The following HLTF variants were observed in gnomAD, a reference collection of about 807,000 sequenced individuals.
The protein encoded by HLTF is helicase like transcription factor, also known as DNA-dependent ATPase/E3 ubiquitin-protein ligase HLTF.
Under a neutral mutation model 129.4 loss-of-function variants are expected in HLTF, and 127 were observed. The observed-to-expected ratio is 0.98, with a 90% confidence interval of 0.85 to 1.14. The LOEUF is 1.14. Ranked by LOEUF, HLTF falls within the 50% of genes most tolerant of loss-of-function variation. The pLI is 0.00. For synonymous variants in HLTF, 332 were observed against 388.8 expected, an observed-to-expected ratio of 0.85 and a Z score of 1.72; for missense variants, 1,139 against 1,187.1, an observed-to-expected ratio of 0.96 and a Z score of 0.60.
intron 6 of HLTF, 61 bp downstream of exon 6, chr3:149,071,522 T>A: frequency 6.8e-7 from 1 of 1,476,050 alleles, no homozygotes; most frequent in East Asian, 2.3e-5. Flanking sequence ...AAACAAAAAG[T>A]AGATTCTAAG....
Position 149,046,180 on chromosome 3 carries a change from A to G in HLTF, c.1972T>C (p.Leu658=), listed in dbSNP as rs757214237. The change falls in exon 18 of 25, where the codon TTA becomes CTA. Residue 658 remains leucine (L), a synonymous_variant. Transcript: ENST00000310053. ...TGAATAAATACTTTACGTTCTGGTA[A>G]CTCCAAAACAGGTTTTCCTTTAATT... The part of the protein sequence containing the change: ...SKIKGKPVLE[L]PERKVFIQHI... The G allele has an allele frequency of 3.7e-6, 6 of 1,606,392 alleles. No homozygotes were observed. The highest frequency in any genetic ancestry group is 1.7e-5 in the Admixed American group (1 of 59,530).
chr3:149,034,437 G>A (rs937099479), intron 24 of HLTF, among the ~76,000 whole-genome samples: 53 of 152,110 alleles, frequency 3.5e-4, no homozygotes, highest in African/African-American at 1.2e-3. Flanking sequence ...GAGAGGAATG[G>A]GAAGTTATTA....
chr3:149,057,490 G>A (rs1253269762), intron 13 of HLTF, among the ~76,000 whole-genome samples: 2 of 152,188 alleles, frequency 1.3e-5, no homozygotes, highest in African/African-American at 4.8e-5. Context: ...GTATATGGAA[G>A]GCCAACTTTT....
intron 23 of HLTF, among the ~76,000 whole-genome samples, chr3:149,036,189 G>T (rs988830429): frequency 6.6e-6 from 1 of 151,492 alleles, no homozygotes; most frequent in African/African-American, 2.4e-5. Context: ...GTGCAACAAT[G>T]AAAAGGGAAG....
At chr3:149,063,576 C>T (rs1440932415) in intron 9 of HLTF, 52 bp from the exon 10 acceptor site, 1 of 1,057,326 alleles carries the variant, frequency 9.5e-7, no homozygotes. Flanking sequence ...GTCTTAGAAA[C>T]TAGTATTATC....
Position 149,066,128 on chromosome 3 carries a change from C to T in HLTF, c.991-1262G>A, listed in dbSNP as rs1228578964. Among the ~76,000 whole-genome samples the T allele has an allele frequency of 2.6e-5, 4 of 151,892 alleles. No homozygotes were observed. In the East Asian group the frequency reaches 7.7e-4, roughly 29 times the overall value. ...ACGGCACAATCTCGGCTCATTGAAA[C>T]CTCTACCTCCTGAGTTCAAGTGATT... On this transcript the variant is annotated intron_variant, in intron 8 of 24. Transcript: ENST00000310053.
rs931215886 is a variant in HLTF at position 149,068,395 on chromosome 3, C to T, written c.895-60G>A. 6.8e-6 allele frequency: 5 copies of T among 739,504 alleles called. No individual in the cohort carries two copies. The East Asian group carries it at 1.0e-4, about 15-fold the overall frequency. The allele number at this position is 739,504 out of a possible 1,614,324, so 45.8% of individuals were successfully genotyped here. A position where few individuals can be genotyped will look rare whatever the true frequency, so the allele number is the denominator to read the frequency against. On this transcript the variant is annotated intron_variant, in intron 7 of 24. Transcript: ENST00000310053. The stretch of plus-strand genomic sequence containing the variant: ...TGTGAAACCCAGTTCACCAGAAAAA[C>T]GTTCCCATTTTAAAATCAAGTAATC...
rs75130084 is a variant in HLTF at position 149,077,738 on chromosome 3, C to A, written c.229-1691G>T. Reference sequence around the variant, plus strand: ...GACCTGAGAAGGCCCTAAACGCTCACCTTTGCCTGAACTTGAGCATTTAAA... The same window carrying A: ...GACCTGAGAAGGCCCTAAACGCTCAACTTTGCCTGAACTTGAGCATTTAAA... On this transcript the variant is annotated intron_variant, in intron 2 of 24. Transcript: ENST00000310053. Among the ~76,000 whole-genome samples the A allele has an allele frequency of 8.5e-3, 1,295 of 151,838 alleles. 19 individuals carry two copies. Among genetic ancestry groups the A allele is most frequent in the African/African-American group, 0.03 (1,225 of 41,388 alleles).
intron 13 of HLTF, 21 bp from the exon 14 acceptor site, chr3:149,055,421 T>G (rs574484682): frequency 6.6e-7 from 1 of 1,511,292 alleles, no homozygotes; most frequent in Admixed American, 1.7e-5. Flanking sequence ...GAACCACTGA[T>G]AGAACCTTTA....
chr3:149,079,522 A>C lies in HLTF; in HGVS notation c.229-3475T>G, dbSNP rs368708723. On this transcript the variant is annotated intron_variant, in intron 2 of 24. Coordinates refer to ENST00000310053, the MANE Select transcript of HLTF (RefSeq NM_003071.4). ...TGTTGATAGGTATACTACATATATA[A>C]AGATATAACTTGGATAACAGCACAA... Among the ~76,000 whole-genome samples the C allele has an allele frequency of 6.4e-4, 97 of 151,370 alleles. 1 individual carries two copies. The South Asian group carries it at 0.02, about 31-fold the overall frequency.
intron 14 of HLTF, among the ~76,000 whole-genome samples, chr3:149,050,656 T>C (rs1416602104): frequency 1.3e-5 from 2 of 152,200 alleles, no homozygotes; most frequent in East Asian, 1.9e-4. Flanking sequence ...ATGAGTTTTA[T>C]AAAAATATTT....
chr3:149,061,303 C>T (rs1199435652), intron 10 of HLTF, among the ~76,000 whole-genome samples: 1 of 151,836 alleles, frequency 6.6e-6, no homozygotes, highest in African/African-American at 2.4e-5. Flanking sequence ...CCCAGCTACT[C>T]GGGAGGCTGA....
chr3:149,037,467 C>CAAAAAAA (rs71135657), intron 23 of HLTF, among the ~76,000 whole-genome samples: 3 of 99,592 alleles, frequency 3.0e-5, no homozygotes, highest in East Asian at 3.0e-4. Flanking sequence ...GACTCTGTCT[C>CAAAAAAA]AAAAAAAAAA....
At chr3:149,058,482 T>C (rs1306643275) in intron 13 of HLTF, among the ~76,000 whole-genome samples, 1 of 152,234 alleles carries the variant, frequency 6.6e-6, no homozygotes, top group Admixed American at 6.5e-5. Flanking sequence ...TATTCTCCTA[T>C]TGGGTGGTCT....
rs1296637260 is a variant in HLTF at position 149,038,984 on chromosome 3, A to G, written c.2796+65T>C. ...ATAACTATGAAGGTATTTACCAAAT[A>G]GTTTTTTGTCTTATTTTTTTGAAAG... On this transcript the variant is annotated intron_variant, in intron 23 of 24. Coordinates refer to ENST00000310053, the MANE Select transcript of HLTF (RefSeq NM_003071.4). 4 of 923,154 alleles carry G rather than the reference A, an allele frequency of 4.3e-6. No homozygotes were observed. The East Asian group carries it at 1.1e-4, about 25-fold the overall frequency. The allele number at this position is 923,154 out of a possible 1,614,324, so 57.2% of individuals were successfully genotyped here. A position where few individuals can be genotyped will look rare whatever the true frequency, so the allele number is the denominator to read the frequency against.
chr3:149,040,213 T>C, intron 20 of HLTF, 57 bp from the exon 21 acceptor site: 1 of 1,500,988 alleles, frequency 6.7e-7, no homozygotes, highest in Middle Eastern at 2.2e-4. Flanking sequence ...AATATAAATA[T>C]GCCTAAAAAT....
At chr3:149,035,253 T>C (rs541431675) in intron 23 of HLTF, among the ~76,000 whole-genome samples, 4 of 151,966 alleles carry the variant, frequency 2.6e-5, no homozygotes, top group South Asian at 2.1e-4. Context: ...CCAAAATAAG[T>C]ATTTGTTGAT....
Position 149,039,697 on chromosome 3 carries a change from C to T in HLTF, c.2503-4G>A. ...ATGCGTGCATTAGCGCATTAATCTG[C>T]AAAAAATATTAAGATGTCCATTAGA... On this transcript the variant is annotated splice_polypyrimidine_tract_variant and splice_region_variant and intron_variant, in intron 21 of 24. Transcript: ENST00000310053. 1 of 1,444,244 alleles carries T rather than the reference C, an allele frequency of 6.9e-7. No homozygotes were observed. The highest frequency in any genetic ancestry group is 9.5e-7 in the Non-Finnish European group (1 of 1,053,244). The allele number at this position is 1,444,244 out of a possible 1,614,324, so 89.5% of individuals were successfully genotyped here.
At chr3:149,055,265 T>C in intron 14 of HLTF, 38 bp downstream of exon 14, 1 of 1,389,234 alleles carries the variant, frequency 7.2e-7, no homozygotes, top group Non-Finnish European at 1.0e-6. Context: ...AGATAAAATA[T>C]AAATTATGTT....
Sources: allele counts gnomAD v4.1 joint callset (sites outside exome capture counted in the v4.1 genomes callset), GRCh38; gene constraint gnomAD v4.1.1; transcripts MANE v1.5; gene names NCBI Gene and HGNC (gene_info 2026-07-23, HGNC 2026-07-21).